Variants in ZNF239 observed in about 807,000 individuals in gnomAD.
ZNF239 encodes zinc finger protein 239.
A neutral mutation model predicts 27.5 loss-of-function variants in ZNF239; 16 were observed. That is an observed-to-expected ratio of 0.58 (90% CI 0.39 to 0.88). The LOEUF is 0.88. Among genes scored for constraint, ZNF239 ranks in the 40% least tolerant of loss-of-function variants. ZNF239 has a pLI of 0.00. For missense variants in ZNF239, 527 were observed against 551.9 expected (o/e 0.95, Z 0.45); for synonymous variants, 199 against 192.6 (o/e 1.03, Z -0.27).
chr10:43,570,883 A>G, intron 2 of ZNF239: 1 of 985,390 alleles, frequency 1.0e-6, no homozygotes, highest in African/African-American at 1.7e-5. Context: ...GAGAAGGGAA[A>G]GGATATGTTG....
intron 2 of ZNF239, chr10:43,568,469 T>C: frequency 3.0e-6 from 3 of 985,226 alleles, no homozygotes; most frequent in Non-Finnish European, 3.6e-6. Context: ...GTCCACTACC[T>C]GGACCCCTCT....
At chr10:43,558,319 T>A in intron 3 of ZNF239, 148 bp from the exon 4 acceptor site, 1 of 683,196 alleles carries the variant, frequency 1.5e-6, no homozygotes, top group Non-Finnish European at 2.3e-6. Context: ...GTCAGGTACA[T>A]TTGTATCTGG....
In ZNF239 at chr10:43,557,557, C is replaced by T; in HGVS notation, c.523G>A (p.Glu175Lys). ...VSCSQQRAHT[E>K]EKPCDHNNCG... ...TTATTATGGTCACAGGGTTTCTCCT[C>T]TGTATGAGCTCTCTGCTGACTACAA... Residue 175 changes from glutamate (E) to lysine (K), a missense_variant, in exon 4 of 4, where the codon GAG (glutamate) becomes AAG (lysine). Physicochemically the swap from Glu to Lys is moderately conservative, Grantham distance 56. Transcript: ENST00000374446. The T allele has an allele frequency of 6.2e-7, 1 of 1,614,150 alleles. No homozygotes were observed. Among genetic ancestry groups the T allele is most frequent in the South Asian group, 1.1e-5 (1 of 91,078 alleles).
intron 2 of ZNF239, chr10:43,570,898 A>G (rs1297405223): frequency 3.2e-5 from 32 of 985,242 alleles, no homozygotes; most frequent in Non-Finnish European, 3.9e-5. Context: ...ATGTTGGTGG[A>G]CTACTAACTT....
chr10:43,570,816 C>T, intron 2 of ZNF239: 1 of 980,070 alleles, frequency 1.0e-6, no homozygotes, highest in Non-Finnish European at 1.2e-6. Context: ...GTTAGACAAC[C>T]AGAGTTATTA....
intron 3 of ZNF239, among the ~76,000 whole-genome samples, chr10:43,565,818 A>G (rs868208511): frequency 2.5e-3 from 11 of 4,434 alleles, no homozygotes; most frequent in African/African-American, 6.4e-3. Context: ...CCATCTCAAG[A>G]AAAAAAAAAA....
chr10:43,566,533 G>A (rs573921081), intron 3 of ZNF239, among the ~76,000 whole-genome samples: 5 of 152,228 alleles, frequency 3.3e-5, no homozygotes, highest in African/African-American at 1.2e-4. Context: ...CCATCTGCCC[G>A]CCTTAGCCTC....
chr10:43,571,413 CAG>C (rs1838028132), intron 2 of ZNF239, among the ~76,000 whole-genome samples: 1 of 151,734 alleles, frequency 6.6e-6, no homozygotes, highest in Admixed American at 6.6e-5. Flanking sequence ...CTTTCAGTCT[CAG>C]GACAATAGCC....
chr10:43,557,632 TG>T lies in ZNF239; in HGVS notation c.447del (p.Ile150LeufsTer177). 2 of 1,614,216 alleles carry T rather than the reference TG, an allele frequency of 1.2e-6. No individual in the cohort carries two copies. Among genetic ancestry groups the T allele is most frequent in the Non-Finnish European group, 1.7e-6 (2 of 1,180,048 alleles). ...TGAATGTCTTTGCAGTTACAGTCAATGGGATCCAAAGATTCTTTTAACTGGC... is the reference window on the plus strand; with the variant it reads ...TGAATGTCTTTGCAGTTACAGTCAATGGATCCAAAGATTCTTTTAACTGGC... ...QNGQLKESLD[P>X]IDCNCKDIHG... On this transcript the variant is annotated frameshift_variant, in exon 4 of 4. Transcript: ENST00000374446. LOFTEE classifies it high-confidence loss of function.
intron 2 of ZNF239, chr10:43,570,935 G>A (rs1837992419): frequency 1.0e-6 from 1 of 985,116 alleles, no homozygotes; most frequent in Non-Finnish European, 1.2e-6. Context: ...AATGACAGGA[G>A]TAGACCAAAT....
At chr10:43,572,035 C>A (rs1046043661) in intron 2 of ZNF239, among the ~76,000 whole-genome samples, 7 of 152,222 alleles carry the variant, frequency 4.6e-5, no homozygotes. Context: ...GGCGAAGTGA[C>A]TTACCCAATG....
Position 43,556,636 on chromosome 10 carries a change from G to T in ZNF239, c.*67C>A. 1 of 1,525,892 alleles carries T rather than the reference G, an allele frequency of 6.6e-7. No homozygotes were observed. The highest frequency in any genetic ancestry group is 8.8e-7 in the Non-Finnish European group (1 of 1,131,604). 94.5% of individuals were successfully genotyped at this position (1,525,892 alleles called of 1,614,324 possible). ...CTCCTTTGTAGAATATAAAGTAAGA[G>T]TGATACTAAATATTTAACAGTTTTT... On this transcript the variant is annotated 3_prime_UTR_variant, in exon 4 of 4. Coordinates refer to ENST00000374446, the MANE Select transcript of ZNF239 (RefSeq NM_001099282.2).
intron 3 of ZNF239, among the ~76,000 whole-genome samples, chr10:43,564,587 G>C (rs566390430): frequency 1.3e-5 from 2 of 152,160 alleles, no homozygotes; most frequent in East Asian, 3.9e-4. Context: ...TGTTGCCCAG[G>C]CTGGAGAATT....
At chr10:43,570,980 G>T in intron 2 of ZNF239, 1 of 985,158 alleles carries the variant, frequency 1.0e-6, no homozygotes, top group Non-Finnish European at 1.2e-6. Flanking sequence ...AAGGAGAAAA[G>T]GAAAGGAAAT....
chr10:43,562,305 G>A (rs111865598), intron 3 of ZNF239, among the ~76,000 whole-genome samples: 123 of 152,274 alleles, frequency 8.1e-4, no homozygotes, highest in African/African-American at 2.6e-3. Context: ...AAACTGATAC[G>A]AAGGACAGAC....
intron 3 of ZNF239, among the ~76,000 whole-genome samples, chr10:43,559,533 A>G (rs1837067290): frequency 6.6e-6 from 1 of 152,228 alleles, no homozygotes; most frequent in Non-Finnish European, 1.5e-5. Context: ...GGAAGGCAGC[A>G]GAACTGCCTT....
chr10:43,560,380 T>C (rs756649330), intron 3 of ZNF239, among the ~76,000 whole-genome samples: 2 of 152,112 alleles, frequency 1.3e-5, no homozygotes, highest in African/African-American at 4.8e-5. Context: ...ACAAGGAAGA[T>C]AGCCCAGCGC....
chr10:43,560,916 AT>A (rs1180092131), intron 3 of ZNF239, among the ~76,000 whole-genome samples: 1 of 152,188 alleles, frequency 6.6e-6, no homozygotes, highest in Non-Finnish European at 1.5e-5. Context: ...ACACAATCTA[AT>A]AATAAAATAT....
At chr10:43,569,631 C>T (rs1040291446) in intron 2 of ZNF239, among the ~76,000 whole-genome samples, 1 of 152,194 alleles carries the variant, frequency 6.6e-6, no homozygotes, top group East Asian at 1.9e-4. Flanking sequence ...TGTCACTGAC[C>T]ATCTAATCCA....
Sources: allele counts gnomAD v4.1 joint callset (sites outside exome capture counted in the v4.1 genomes callset), GRCh38; gene constraint gnomAD v4.1.1; transcripts MANE v1.5; gene names NCBI Gene and HGNC (gene_info 2026-07-23, HGNC 2026-07-21).